Variants in ZNF407 observed in about 807,000 individuals in gnomAD.
The protein encoded by ZNF407 is zinc finger protein 407.
ZNF407 carries 17 observed loss-of-function variants against 131.2 expected under a neutral mutation model. The observed-to-expected ratio is 0.13, with a 90% CI of 0.09 to 0.19. ZNF407 has a LOEUF of 0.19. Among genes scored for constraint, ZNF407 ranks in the 10% least tolerant of loss-of-function variants. The probability of loss-of-function intolerance (pLI) is 1.00; values close to 1 mark genes in which losing one functional copy is unlikely to be tolerated. For synonymous variants in ZNF407, 1,156 were observed against 1,062.0 expected (o/e 1.09, Z -1.72); for missense variants, 2,681 against 2,830.6 (o/e 0.95, Z 1.20).
chr18:74,724,969 A>G (rs1271867222), intron 3 of ZNF407, among the ~76,000 whole-genome samples: 1 of 152,200 alleles, frequency 6.6e-6, no homozygotes, highest in African/African-American at 2.4e-5. Flanking sequence ...TCAACCTTTC[A>G]AGCTTTAACT....
At chr18:74,763,144 C>G (rs918907648) in intron 3 of ZNF407, among the ~76,000 whole-genome samples, 1 of 115,152 alleles carries the variant, frequency 8.7e-6, no homozygotes, top group Non-Finnish European at 1.7e-5. Context: ...AGAGGAATCT[C>G]TTGGTGATTT....
At chr18:74,828,538 G>T (rs1265175124) in intron 4 of ZNF407, among the ~76,000 whole-genome samples, 2 of 149,408 alleles carry the variant, frequency 1.3e-5, no homozygotes, top group Non-Finnish European at 3.0e-5. Flanking sequence ...TTTAGATGGA[G>T]TTATTTAGTC....
intron 4 of ZNF407, among the ~76,000 whole-genome samples, chr18:74,790,814 A>G (rs1019685529): frequency 1.3e-5 from 2 of 152,316 alleles, no homozygotes; most frequent in African/African-American, 4.8e-5. Flanking sequence ...TTTTGTGAGG[A>G]ATTTTCAGGA....
At chr18:74,893,517 C>T (rs9949378) in intron 7 of ZNF407, among the ~76,000 whole-genome samples, 58,508 of 151,754 alleles carry the variant, frequency 0.39, 12,900 homozygotes, top group African/African-American at 0.61. Flanking sequence ...TGAGAGACTT[C>T]GAATGAAATA....
chr18:74,875,658 T>A (rs1971145654), intron 4 of ZNF407, among the ~76,000 whole-genome samples: 1 of 151,880 alleles, frequency 6.6e-6, no homozygotes, highest in Non-Finnish European at 1.5e-5. Flanking sequence ...CGGACGTGAT[T>A]TTTTTTTACA....
At chr18:74,803,087 A>C (rs1263709329) in intron 4 of ZNF407, among the ~76,000 whole-genome samples, 5 of 152,108 alleles carry the variant, frequency 3.3e-5, no homozygotes, top group Non-Finnish European at 1.5e-5. Flanking sequence ...GGTGGTAGCT[A>C]ATGAGAGCTA....
At chr18:75,032,570 C>T (rs552552653) in intron 8 of ZNF407, among the ~76,000 whole-genome samples, 4 of 152,328 alleles carry the variant, frequency 2.6e-5, no homozygotes, top group East Asian at 3.9e-4. Context: ...ACTGGCTGCA[C>T]GATCAGAGTT....
At chr18:75,012,950 TAAA>T (rs34245737) in intron 8 of ZNF407, among the ~76,000 whole-genome samples, 6,153 of 145,572 alleles carry the variant, frequency 0.042, 129 homozygotes, top group Non-Finnish European at 0.046. Flanking sequence ...GGTCCTTTTT[TAAA>T]AAAAAAAAAA....
In ZNF407 at chr18:74,870,326, A is replaced by G. The variant is rs549042490; in HGVS notation, c.4878-6871A>G. Among the ~76,000 whole-genome samples, 6 of 152,298 alleles carry G rather than the reference A, an allele frequency of 3.9e-5. No homozygotes were observed. The East Asian group carries it at 1.2e-3, about 29-fold the overall frequency. On this transcript the variant is annotated intron_variant, in intron 4 of 8. Transcript: ENST00000299687. ...CTAGTTAACAAGGATCTAGCCTGTT[A>G]ATTAGGCTAATTATCACCTGTTCAG...
At chr18:74,831,442 C>T (rs955584207) in intron 4 of ZNF407, among the ~76,000 whole-genome samples, 3 of 152,140 alleles carry the variant, frequency 2.0e-5, no homozygotes, top group Non-Finnish European at 2.9e-5. Flanking sequence ...CCACCCTTTG[C>T]ATCTACCATT....
chr18:74,971,318 C>T (rs1568287199), intron 8 of ZNF407, among the ~76,000 whole-genome samples: 1 of 152,226 alleles, frequency 6.6e-6, no homozygotes, highest in Non-Finnish European at 1.5e-5. Context: ...TTGAATTTCT[C>T]CCAGAAAGTG....
In ZNF407 at chr18:75,064,369, A is replaced by T; in HGVS notation, c.6648A>T (p.Ala2216=). 1 of 1,579,596 alleles carries T rather than the reference A, an allele frequency of 6.3e-7. No individual in the cohort carries two copies. Among genetic ancestry groups the T allele is most frequent in the Non-Finnish European group, 8.6e-7 (1 of 1,163,308 alleles). The part of the protein sequence containing the change: ...LGTEAGAPSR[A]EQLASVVIYT... ...CAGAGGCCGGGGCCCCAAGCAGGGC[A>T]GAGCAGCTGGCCAGCGTGGTCATCT... Residue 2216 remains alanine (A), a synonymous_variant, in exon 9 of 9, where the codon GCA becomes GCT. Coordinates refer to ENST00000299687, the MANE Select transcript of ZNF407 (RefSeq NM_017757.3).
intron 3 of ZNF407, among the ~76,000 whole-genome samples, chr18:74,702,021 C>T (rs551524369): frequency 6.6e-6 from 1 of 152,110 alleles, no homozygotes; most frequent in African/African-American, 2.4e-5. Context: ...TTTCAGCTAC[C>T]ATTATTATAC....
chr18:74,999,544 G>A (rs75708710), intron 8 of ZNF407, among the ~76,000 whole-genome samples: 2,356 of 152,084 alleles, frequency 0.015, 68 homozygotes, highest in African/African-American at 0.053. Context: ...GTCTACTCCA[G>A]GAATATAGGA....
intron 6 of ZNF407, among the ~76,000 whole-genome samples, chr18:74,882,295 AG>A (rs1971249731): frequency 6.6e-6 from 1 of 152,266 alleles, no homozygotes; most frequent in Non-Finnish European, 1.5e-5. Context: ...AATTATTAAT[AG>A]AACCACTTTT....
At chr18:74,809,765 A>G (rs115904434) in intron 4 of ZNF407, among the ~76,000 whole-genome samples, 1,665 of 152,292 alleles carry the variant, frequency 0.011, 31 homozygotes, top group African/African-American at 0.037. Context: ...TCCATGTACC[A>G]TTAGAGTGTA....
intron 4 of ZNF407, among the ~76,000 whole-genome samples, chr18:74,805,707 A>G (rs1216817563): frequency 1.3e-5 from 2 of 152,208 alleles, no homozygotes; most frequent in Non-Finnish European, 2.9e-5. Context: ...AATGAACACC[A>G]TCTGTTAAAG....
chr18:74,676,488 G>C (rs577792542), intron 3 of ZNF407, among the ~76,000 whole-genome samples: 249 of 149,936 alleles, frequency 1.7e-3, no homozygotes, highest in Non-Finnish European at 3.0e-3. Context: ...CCAGGCTGGA[G>C]TGCAGTGGCG....
At chr18:74,604,519 C>A (rs570960746) in intron 1 of ZNF407, among the ~76,000 whole-genome samples, 1 of 152,324 alleles carries the variant, frequency 6.6e-6, no homozygotes, top group East Asian at 1.9e-4. Flanking sequence ...GTCTACACAG[C>A]TGTGCAGACA....
Sources: gnomAD v4.1 joint callset for allele counts (sites outside exome capture counted in the v4.1 genomes callset) on GRCh38, gnomAD v4.1.1 for gene constraint, MANE v1.5 for transcripts, NCBI Gene and HGNC (gene_info 2026-07-23, HGNC 2026-07-21) for gene names.